The following STRN variants were observed in gnomAD, a reference collection of about 807,000 sequenced individuals.
STRN encodes the protein protein phosphatase 2 regulatory subunit B'''alpha.
STRN carries 53 observed loss-of-function variants against 96.3 expected under a neutral mutation model. That is an observed-to-expected ratio of 0.55 (90% CI 0.44 to 0.69). The LOEUF (loss-of-function observed/expected upper bound fraction) is 0.69. Ranked by LOEUF, STRN falls within the 30% of genes least tolerant of loss-of-function variation. The pLI is 0.00. For synonymous variants in STRN, 428 were observed against 355.9 expected (o/e 1.20, Z -2.28); for missense variants, 987 against 963.9 (o/e 1.02, Z -0.32).
In STRN at chr2:36,894,096, A is replaced by T. The variant is rs1669477366; in HGVS notation, c.796-63T>A. On this transcript the variant is annotated intron_variant, in intron 6 of 17. Coordinates refer to ENST00000263918, the MANE Select transcript of STRN (RefSeq NM_003162.4). Reference sequence around the variant, plus strand: ...GTTTCCCTTTACCACTGAATAAGAAAATTCAATTATTTTCTTCAGAAAGTA... The same window carrying T: ...GTTTCCCTTTACCACTGAATAAGAATATTCAATTATTTTCTTCAGAAAGTA... 5 of 1,545,030 alleles carry T rather than the reference A, an allele frequency of 3.2e-6. No individual in the cohort carries two copies. In the African/African-American group the frequency reaches 6.9e-5, roughly 21 times the overall value.
chr2:36,906,486 T>C (rs1162472774), intron 3 of STRN, among the ~76,000 whole-genome samples: 30 of 151,874 alleles, frequency 2.0e-4, no homozygotes, highest in Admixed American at 1.8e-3. Flanking sequence ...AATGAATGAA[T>C]GAATGAGTAA....
At chr2:36,865,210 C>T (rs1285095838) in intron 12 of STRN, among the ~76,000 whole-genome samples, 5 of 152,112 alleles carry the variant, frequency 3.3e-5, no homozygotes, top group African/African-American at 4.8e-5. Context: ...AGTCTTGGGA[C>T]GTTGTTTCCA....
rs993025648 is a variant in STRN, at chr2:36,869,536, A to G, written c.1499+18T>C. The G allele has an allele frequency of 3.4e-6, 5 of 1,486,218 alleles. No individual in the cohort carries two copies. The highest frequency in any genetic ancestry group is 1.4e-5 in the South Asian group (1 of 72,294). 92.1% of individuals were successfully genotyped at this position (1,486,218 alleles called of 1,614,324 possible). Reference sequence around the variant, plus strand: ...TTACTTAAAATATTCAAATAATGTTAAAGTAGAATATTCTCACTTTTTGGC... The same window carrying G: ...TTACTTAAAATATTCAAATAATGTTGAAGTAGAATATTCTCACTTTTTGGC... On this transcript the variant is annotated intron_variant, in intron 11 of 17. Transcript: ENST00000263918.
intron 3 of STRN, among the ~76,000 whole-genome samples, 195 bp downstream of exon 3, chr2:36,915,883 A>G (rs1374429964): frequency 6.6e-6 from 1 of 152,246 alleles, no homozygotes; most frequent in Non-Finnish European, 1.5e-5. Flanking sequence ...ACTAAAAGAA[A>G]GGGGAAGAGG....
intron 1 of STRN, among the ~76,000 whole-genome samples, chr2:36,964,456 A>G (rs1418273680): frequency 6.6e-6 from 1 of 152,212 alleles, no homozygotes; most frequent in Non-Finnish European, 1.5e-5. Context: ...CGCTGCTAAT[A>G]AAGATCAATC....
chr2:36,858,122 A>C (rs1668393595), intron 13 of STRN, 99 bp from the exon 14 acceptor site: 3 of 903,462 alleles, frequency 3.3e-6, no homozygotes, highest in Non-Finnish European at 4.8e-6. Flanking sequence ...GCACCTGATA[A>C]CAGTATAAAA....
At chr2:36,903,313 G>A (rs938883734) in intron 4 of STRN, among the ~76,000 whole-genome samples, 4 of 152,186 alleles carry the variant, frequency 2.6e-5, no homozygotes, top group African/African-American at 9.7e-5. Flanking sequence ...GTATGTTACT[G>A]AAAGGCAGCA....
intron 1 of STRN, among the ~76,000 whole-genome samples, chr2:36,951,104 GT>G (rs1377645152): frequency 6.6e-6 from 1 of 152,154 alleles, no homozygotes; most frequent in Admixed American, 6.5e-5. Flanking sequence ...TAAGACACTT[GT>G]AAAAAACTTG....
intron 7 of STRN, among the ~76,000 whole-genome samples, chr2:36,893,194 T>TATATAAGCTTAATATATATAA (rs1669446191): frequency 6.6e-6 from 1 of 152,212 alleles, no homozygotes; most frequent in African/African-American, 2.4e-5. Flanking sequence ...TAAGCCTTAA[T>TATATAAGCTTAATATATATAA]GCCTGTATAA....
chr2:36,883,438 T>C (rs534615432), intron 9 of STRN, among the ~76,000 whole-genome samples: 57 of 152,048 alleles, frequency 3.7e-4, no homozygotes, highest in African/African-American at 9.2e-4. Flanking sequence ...GCCTGGGCGA[T>C]AGAGCGAGAC....
At chr2:36,933,373 C>T (rs534529034) in intron 1 of STRN, among the ~76,000 whole-genome samples, 1 of 152,014 alleles carries the variant, frequency 6.6e-6, no homozygotes, top group Admixed American at 6.6e-5. Flanking sequence ...GGAACCAATA[C>T]CCTACAGACA....
intron 3 of STRN, among the ~76,000 whole-genome samples, chr2:36,907,988 TA>T (rs1035242693): frequency 5.3e-5 from 8 of 150,868 alleles, no homozygotes; most frequent in Non-Finnish European, 1.0e-4. Flanking sequence ...GAAAATAAAT[TA>T]AAAAAAATAA....
intron 1 of STRN, among the ~76,000 whole-genome samples, chr2:36,951,281 A>C (rs1664747134): frequency 6.6e-6 from 1 of 152,230 alleles, no homozygotes; most frequent in Non-Finnish European, 1.5e-5. Flanking sequence ...CCCAAGTGCA[A>C]TTTGCTACAA....
At chr2:36,916,468 A>C (rs780959934) in intron 2 of STRN, among the ~76,000 whole-genome samples, 3 of 152,078 alleles carry the variant, frequency 2.0e-5, no homozygotes, top group Non-Finnish European at 4.4e-5. Flanking sequence ...GATGATTGCC[A>C]AAGCTAAATT....
At chr2:36,890,088 G>A (rs949211712) in intron 7 of STRN, among the ~76,000 whole-genome samples, 2 of 152,228 alleles carry the variant, frequency 1.3e-5, no homozygotes, top group African/African-American at 4.8e-5. Flanking sequence ...ATGCAGATGT[G>A]TGATTCCTCA....
chr2:36,877,368 T>G (rs1434058591), intron 10 of STRN, among the ~76,000 whole-genome samples: 1 of 152,296 alleles, frequency 6.6e-6, no homozygotes, highest in Middle Eastern at 3.4e-3. Flanking sequence ...AAACAAATCA[T>G]ACTCAATTAT....
intron 1 of STRN, 141 bp downstream of exon 1, chr2:36,966,089 G>C: frequency 1.0e-6 from 1 of 958,740 alleles, no homozygotes; most frequent in South Asian, 2.0e-5. Flanking sequence ...AGAGAAGAAG[G>C]GGACGGGGCT....
At chr2:36,914,966 G>C (rs970992458) in intron 3 of STRN, among the ~76,000 whole-genome samples, 63 of 151,930 alleles carry the variant, frequency 4.1e-4, no homozygotes, top group African/African-American at 1.2e-3. Context: ...GGAGGCCGAG[G>C]GGGGGCGGAT....
chr2:36,855,379 TG>T, intron 14 of STRN, 27 bp from the exon 15 acceptor site: 2 of 1,607,916 alleles, frequency 1.2e-6, no homozygotes, highest in Non-Finnish European at 1.7e-6. Context: ...TGAAATAGAA[TG>T]GCAATTAAAC....
Sources: gnomAD v4.1 joint callset for allele counts (sites outside exome capture counted in the v4.1 genomes callset) on GRCh38, gnomAD v4.1.1 for gene constraint, MANE v1.5 for transcripts, NCBI Gene and HGNC (gene_info 2026-07-23, HGNC 2026-07-21) for gene names.